PPOX: variants seen among roughly 807,000 people sequenced by gnomAD.
PPOX encodes the protein variegate porphyria.
In PPOX, 23 loss-of-function variants were observed where a neutral mutation model predicts 54.1. The observed-to-expected ratio is 0.43, with a 90% confidence interval of 0.31 to 0.60. The LOEUF is 0.60. PPOX is among the 20% of genes least tolerant of loss of function. The pLI, the probability that PPOX is intolerant of heterozygous loss-of-function variation, is 0.13. For missense variants in PPOX, 512 were observed against 601.1 expected (o/e 0.85, Z 1.55); for synonymous variants, 224 against 236.1 (o/e 0.95, Z 0.47).
At chr1:161,167,684 C>T in intron 4 of PPOX, 198 bp downstream of exon 4, 1 of 821,254 alleles carries the variant, frequency 1.2e-6, no homozygotes, top group Non-Finnish European at 1.8e-6. Context: ...CCTGCCTCAG[C>T]CTCCCGAGTA....
At chr1:161,171,426 C>T, downstream of PPOX, 1 of 640,056 alleles carries the variant, frequency 1.6e-6, no homozygotes, top group South Asian at 2.0e-5. Flanking sequence ...GCTTCCTTCA[C>T]CAAACAACTT....
chr1:161,167,530 A>G (rs748276870), intron 4 of PPOX, 44 bp downstream of exon 4: 1 of 1,522,096 alleles, frequency 6.6e-7, no homozygotes, highest in Non-Finnish European at 8.9e-7. Flanking sequence ...CCTCATCCTC[A>G]TATGCCTTCC....
upstream of PPOX, chr1:161,166,242 T>G: frequency 1.0e-6 from 1 of 965,460 alleles, no homozygotes; most frequent in Non-Finnish European, 1.2e-6. Flanking sequence ...AGGAGGGCAG[T>G]GACGGGTACG....
downstream of PPOX, chr1:161,171,259 C>A: frequency 3.1e-6 from 5 of 1,604,806 alleles, no homozygotes; most frequent in Non-Finnish European, 2.5e-6. Flanking sequence ...CATAAGAATG[C>A]GGGGCAGCAA....
chr1:161,170,851 C>G (rs1661094994), intron 11 of PPOX, 56 bp from the exon 12 acceptor site: 1 of 1,613,796 alleles, frequency 6.2e-7, no homozygotes, highest in Non-Finnish European at 8.5e-7. Flanking sequence ...GTATGTCAGC[C>G]AAGGCCTAGG....
chr1:161,165,904 G>A (rs1478672947), upstream of PPOX, among the ~76,000 whole-genome samples: 1 of 152,110 alleles, frequency 6.6e-6, no homozygotes, highest in East Asian at 1.9e-4. Context: ...TATGTACTGG[G>A]AGGAAAAGAG....
intron 9 of PPOX, 35 bp downstream of exon 9, chr1:161,170,059 G>T: frequency 6.3e-7 from 1 of 1,589,758 alleles, no homozygotes. Flanking sequence ...GGGCATGGTG[G>T]CTCACACCTG....
At position 161,176,314 on chromosome 1, in the gene PPOX, C is replaced by T; in HGVS notation, c.373-535C>T. ...CCTCTACCTCCCCCCAAACCACTCC[C>T]ACCATCTACTGTCAGTCCTCACCCC... On this transcript the variant is annotated intron_variant, in intron 4 of 4. Coordinates refer to the PPOX transcript ENST00000497522. 3 of 573,014 alleles carry T rather than the reference C, an allele frequency of 5.2e-6. No homozygotes were observed. In the South Asian group the frequency reaches 6.4e-5, roughly 12 times the overall value. 35.5% of individuals were successfully genotyped at this position (573,014 alleles called of 1,614,324 possible).
At chr1:161,166,805 C>T (rs769800569) in intron 1 of PPOX, 35 bp from the exon 2 acceptor site, 18 of 1,608,112 alleles carry the variant, frequency 1.1e-5, no homozygotes, top group Non-Finnish European at 1.4e-5. Flanking sequence ...AGGTTGTCCC[C>T]GGTCTGCCTG....
chr1:161,176,559 C>A, intron 4 of PPOX: 3 of 479,340 alleles, frequency 6.3e-6, no homozygotes, highest in Non-Finnish European at 3.8e-6. Context: ...TCCAGCACTC[C>A]AGCAGCGAAT....
downstream of PPOX, chr1:161,171,321 G>A (rs1661360573): frequency 2.2e-6 from 3 of 1,347,106 alleles, no homozygotes; most frequent in Admixed American, 1.9e-5. Flanking sequence ...GCGAGACAAA[G>A]TCCTTTATTA....
Position 161,170,329 on chromosome 1 carries a change from ACCC to A in PPOX, c.988-75_988-73del, listed in dbSNP as rs1215284332. On this transcript the variant is annotated intron_variant, in intron 9 of 12. Transcript: ENST00000367999. ...GACAGAGTGAGACTCTGTCCCCCCC[ACCC>A]CCCCAAAAAAATGGGAAGGAGAGAC... 1.8e-5 allele frequency: 6 copies of A among 329,870 alleles called. 1 individual carries two copies. In the East Asian group the frequency reaches 3.4e-4, roughly 19 times the overall value. 20.4% of individuals were successfully genotyped at this position (329,870 alleles called of 1,614,324 possible). A position where few individuals can be genotyped will look rare whatever the true frequency, so the allele number is the denominator to read the frequency against.
downstream of PPOX, among the ~76,000 whole-genome samples, chr1:161,173,222 G>A (rs962671741): frequency 5.3e-5 from 8 of 152,158 alleles, no homozygotes; most frequent in African/African-American, 1.9e-4. Flanking sequence ...AATGGCACAG[G>A]CCTTTTACAA....
In PPOX at chr1:161,167,715, C is replaced by T. The variant is rs1240897662; in HGVS notation, c.338+229C>T. On this transcript the variant is annotated intron_variant, in intron 4 of 12. Transcript: ENST00000367999. ...GAGTAGCTGGGACTACAGGTGCCTA[C>T]CACCACGTCTGGCTAGTTTTTGTAT... 17 of 716,524 alleles carry T rather than the reference C, an allele frequency of 2.4e-5. No homozygotes were observed. The Admixed American group carries it at 5.0e-4, about 21-fold the overall frequency. The allele number at this position is 716,524 out of a possible 1,614,324, so 44.4% of individuals were successfully genotyped here. A position where few individuals can be genotyped will look rare whatever the true frequency, so the allele number is the denominator to read the frequency against.
chr1:161,175,018 G>A, downstream of PPOX: 2 of 1,613,662 alleles, frequency 1.2e-6, no homozygotes, highest in South Asian at 1.1e-5. Context: ...GATGCCATAA[G>A]CAAGCTGCTG....
At position 161,171,103 on chromosome 1, in the gene PPOX, T is replaced by C. The variant is rs767686517; in HGVS notation, c.1361T>C (p.Val454Ala). 16 of 1,613,722 alleles carry C rather than the reference T, an allele frequency of 9.9e-6. No homozygotes were observed. The highest frequency in any genetic ancestry group is 1.4e-5 in the Non-Finnish European group (16 of 1,180,016). ...LTLAGASYEG[V>A]AVNDCIESGR... ...CTGGCTGGAGCCTCCTATGAGGGAG[T>C]TGCTGTTAATGACTGTATAGAGAGT... Residue 454 changes from valine to alanine, a missense_variant, in exon 13 of 13, where the codon GTT becomes GCT. Transcript: ENST00000367999.
At chr1:161,174,339 T>C (rs1421795710), downstream of PPOX, among the ~76,000 whole-genome samples, 2 of 138,540 alleles carry the variant, frequency 1.4e-5, no homozygotes, top group Non-Finnish European at 3.1e-5. Flanking sequence ...ACCCGGGAGG[T>C]GGAGCTTGCA....
chr1:161,173,758 A>C (rs764654984), downstream of PPOX: 1 of 1,613,698 alleles, frequency 6.2e-7, no homozygotes, highest in Admixed American at 1.7e-5. Context: ...GCATACCCCG[A>C]GTCTTCTGGG....
Position 161,166,624 on chromosome 1 carries a change from G to T in PPOX, c.-57G>T. On this transcript the variant is annotated 5_prime_UTR_variant, in exon 1 of 13. Transcript: ENST00000367999. ...GAGCGCCGGCGGGGTACGGTCTTAGGACCTCGATCTCCTTCTCCCTCATTT... is the reference window on the plus strand; with the variant it reads ...GAGCGCCGGCGGGGTACGGTCTTAGTACCTCGATCTCCTTCTCCCTCATTT... The T allele has an allele frequency of 6.8e-7, 1 of 1,460,912 alleles. No individual in the cohort carries two copies. The highest frequency in any genetic ancestry group is 2.5e-5 in the East Asian group (1 of 40,100). The allele number at this position is 1,460,912 out of a possible 1,614,324, so 90.5% of individuals were successfully genotyped here.
Sources: gnomAD v4.1 joint callset for allele counts (sites outside exome capture counted in the v4.1 genomes callset) on GRCh38, gnomAD v4.1.1 for gene constraint, MANE v1.5 for transcripts, NCBI Gene and HGNC (gene_info 2026-07-23, HGNC 2026-07-21) for gene names.